Variants in TGFBRAP1 observed in about 807,000 individuals in gnomAD.
TGFBRAP1 encodes the protein transforming growth factor-beta receptor-associated protein 1.
In TGFBRAP1, 20 loss-of-function variants were observed where a neutral mutation model predicts 83.2. The ratio of observed to expected loss-of-function variants is 0.24; its 90% CI spans 0.17 to 0.35. The LOEUF is 0.35. Among genes scored for constraint, TGFBRAP1 ranks in the 10% least tolerant of loss-of-function variants. TGFBRAP1 has a pLI of 1.00. For synonymous variants in TGFBRAP1, 415 were observed against 459.8 expected (o/e 0.90, Z 1.25); for missense variants, 950 against 1,099.4 (o/e 0.86, Z 1.92).
intron 1 of TGFBRAP1, among the ~76,000 whole-genome samples, chr2:105,318,356 G>C (rs1304125490): frequency 6.6e-6 from 1 of 152,072 alleles, no homozygotes; most frequent in Non-Finnish European, 1.5e-5. Flanking sequence ...ATTCCCAACG[G>C]TCAGTAATGT....
intron 3 of TGFBRAP1, among the ~76,000 whole-genome samples, chr2:105,297,512 T>C (rs972779247): frequency 1.1e-4 from 16 of 152,228 alleles, no homozygotes; most frequent in African/African-American, 3.6e-4. Flanking sequence ...GTGAGTCTTC[T>C]TATCTCCTAT....
intron 1 of TGFBRAP1, among the ~76,000 whole-genome samples, chr2:105,320,261 A>T (rs1240857008): frequency 1.3e-5 from 2 of 152,184 alleles, no homozygotes; most frequent in Non-Finnish European, 2.9e-5. Context: ...ACCCTGGGGG[A>T]GGAACCGCAA....
chr2:105,319,544 T>C (rs1370227885), intron 1 of TGFBRAP1, among the ~76,000 whole-genome samples: 1 of 149,740 alleles, frequency 6.7e-6, no homozygotes, highest in Non-Finnish European at 1.5e-5. Flanking sequence ...ATACAAAAAT[T>C]AGTTGGGTGT....
chr2:105,300,830 A>G (rs1678263480), intron 2 of TGFBRAP1, among the ~76,000 whole-genome samples: 1 of 152,198 alleles, frequency 6.6e-6, no homozygotes, highest in Admixed American at 6.5e-5. Context: ...GACAGACCCA[A>G]TACATTAGGA....
the TGFBRAP1 span, among the ~76,000 whole-genome samples, chr2:105,251,720 A>G: frequency 1.3e-5 from 2 of 152,116 alleles, no homozygotes; most frequent in African/African-American, 4.8e-5. Flanking sequence ...AGGTGGGGAA[A>G]AGATTGAGAA....
At chr2:105,291,936 A>G (rs1396211379) in intron 4 of TGFBRAP1, among the ~76,000 whole-genome samples, 1 of 152,238 alleles carries the variant, frequency 6.6e-6, no homozygotes, top group Non-Finnish European at 1.5e-5. Flanking sequence ...GATTGTCATC[A>G]GATTTTTCAC....
In TGFBRAP1 at chr2:105,278,797, C is replaced by T. The variant is rs866726383; in HGVS notation, c.1464-1126G>A. Among the ~76,000 whole-genome samples, 3 of 152,004 alleles carry T rather than the reference C, an allele frequency of 2.0e-5. No individual in the cohort carries two copies. The East Asian group carries it at 5.8e-4, about 29-fold the overall frequency. The stretch of plus-strand genomic sequence containing the variant: ...CTTGAATCCTTCTCTTTTCCTCAAC[C>T]TTTTGGAAAGTCATGCTGACTCTAC... On this transcript the variant is annotated intron_variant, in intron 6 of 11. Transcript: ENST00000393359.
Position 105,267,444 on chromosome 2 carries a change from G to C in TGFBRAP1, c.2522C>G (p.Thr841Ser), listed in dbSNP as rs750363720. 1 of 1,614,234 alleles carries C rather than the reference G, an allele frequency of 6.2e-7. No homozygotes were observed. Among genetic ancestry groups the C allele is most frequent in the African/African-American group, 1.3e-5 (1 of 75,048 alleles). The stretch of plus-strand genomic sequence containing the variant: ...TGTGTGTCTGCTGGCGGCACAGTGG[G>C]TGTGCACAAGACCACCATTTGGGTA... ...VRYPNGGLVHTHCAASRHTNP... is the reference protein window; with the variant it reads ...VRYPNGGLVHSHCAASRHTNP... Residue 841 changes from threonine (T) to serine (S), a missense_variant, in exon 12 of 12, where the codon ACC becomes AGC. Thr to Ser is a moderately conservative substitution (Grantham distance 58). Coordinates refer to ENST00000393359, the MANE Select transcript of TGFBRAP1 (RefSeq NM_004257.6).
intron 1 of TGFBRAP1, chr2:105,324,329 G>T (rs1004951340): frequency 1.3e-5 from 2 of 152,154 alleles, no homozygotes; most frequent in Non-Finnish European, 2.9e-5. Flanking sequence ...AAATGTAATC[G>T]TGGTATATTG....
chr2:105,261,260 G>A (rs2679841), downstream of TGFBRAP1, among the ~76,000 whole-genome samples: 23,515 of 152,126 alleles, frequency 0.15, 2,284 homozygotes, highest in South Asian at 0.23. Flanking sequence ...ACAGAGGCAG[G>A]GGCTGGGTGA....
intron 8 of TGFBRAP1, 133 bp from the exon 9 acceptor site, chr2:105,273,823 C>T (rs1347030182): frequency 8.8e-6 from 10 of 1,137,644 alleles, no homozygotes; most frequent in Non-Finnish European, 1.2e-5. Flanking sequence ...TATGTATGCA[C>T]AGCTTTTTGT....
At chr2:105,254,014 G>T in the TGFBRAP1 span, among the ~76,000 whole-genome samples, 1 of 151,222 alleles carries the variant, frequency 6.6e-6, no homozygotes, top group African/African-American at 2.4e-5. Context: ...CCATTGTGGT[G>T]ATATGCCTCT....
intron 1 of TGFBRAP1, among the ~76,000 whole-genome samples, chr2:105,313,708 T>C (rs547439637): frequency 9.9e-5 from 15 of 152,230 alleles, no homozygotes; most frequent in African/African-American, 3.4e-4. Context: ...TCCACAAATA[T>C]ATATTAAAAA....
chr2:105,307,010 G>A (rs1022567717), intron 2 of TGFBRAP1, among the ~76,000 whole-genome samples: 1 of 152,198 alleles, frequency 6.6e-6, no homozygotes. Context: ...CTACTAGTAA[G>A]AGAGGGTCCC....
At chr2:105,251,989 C>T in the TGFBRAP1 span, among the ~76,000 whole-genome samples, 1 of 149,388 alleles carries the variant, frequency 6.7e-6, no homozygotes, top group African/African-American at 2.5e-5. Context: ...CTCAAGTACC[C>T]AGGGACACAA....
the TGFBRAP1 span, among the ~76,000 whole-genome samples, chr2:105,254,615 G>T: frequency 2.9e-4 from 44 of 151,862 alleles, no homozygotes; most frequent in African/African-American, 1.0e-3. Context: ...GAAACCCTTT[G>T]AACAAGCAGA....
chr2:105,262,408 C>T (rs553619054), downstream of TGFBRAP1, among the ~76,000 whole-genome samples: 13 of 152,294 alleles, frequency 8.5e-5, no homozygotes, highest in East Asian at 2.3e-3. Context: ...GCATCTGCTC[C>T]CCCTTGGCCT....
At chr2:105,272,769 C>T in intron 10 of TGFBRAP1, 86 bp downstream of exon 10, 6 of 1,531,888 alleles carry the variant, frequency 3.9e-6, no homozygotes, top group South Asian at 3.5e-5. Context: ...CAACCAGCAG[C>T]TGTGCCAAAG....
At chr2:105,257,710 C>T in the TGFBRAP1 span, among the ~76,000 whole-genome samples, 1 of 152,272 alleles carries the variant, frequency 6.6e-6, no homozygotes, top group East Asian at 1.9e-4. Context: ...ATTAGAATTG[C>T]TATTTCATAT....
Sources: allele counts gnomAD v4.1 joint callset (sites outside exome capture counted in the v4.1 genomes callset), GRCh38; gene constraint gnomAD v4.1.1; transcripts MANE v1.5; gene names NCBI Gene and HGNC (gene_info 2026-07-23, HGNC 2026-07-21).